Variants in CA8 observed in about 807,000 individuals in gnomAD.
CA8 encodes carbonic anhydrase-related protein.
In CA8, 22 loss-of-function variants were observed where a neutral mutation model predicts 41.4. The observed-to-expected ratio is 0.53, with a 90% CI of 0.38 to 0.76. CA8 has a LOEUF of 0.76. Ranked by LOEUF, CA8 falls within the 30% of genes least tolerant of loss-of-function variation. The probability of loss-of-function intolerance (pLI) is 0.00; values close to 1 mark genes in which losing one functional copy is unlikely to be tolerated. For synonymous variants in CA8, 121 were observed against 130.6 expected (o/e 0.93, Z 0.50); for missense variants, 270 against 352.8 (o/e 0.77, Z 1.88).
At chr8:60,255,558 T>C (rs751396918) in intron 3 of CA8, among the ~76,000 whole-genome samples, 1 of 152,214 alleles carries the variant, frequency 6.6e-6, no homozygotes, top group Non-Finnish European at 1.5e-5. Flanking sequence ...TTTAAGTGAT[T>C]CATTAAGCTG....
chr8:60,239,313 T>C (rs1585890881), intron 3 of CA8, among the ~76,000 whole-genome samples: 1 of 152,248 alleles, frequency 6.6e-6, no homozygotes, highest in Admixed American at 6.5e-5. Context: ...ATCAAACTAG[T>C]GCCCCATTAG....
At position 60,204,500 on chromosome 8, in the gene CA8, G is replaced by A. The variant is rs79377537; in HGVS notation, c.*35+4250C>T. On this transcript the variant is annotated intron_variant, in intron 8 of 8. Coordinates refer to ENST00000317995, the MANE Select transcript of CA8 (RefSeq NM_004056.6). ...AAGGAAGAGATATATTTTAAAGCACGAATTATTTTCTTTGTTTAGTAATCT... is the reference window on the plus strand; with the variant it reads ...AAGGAAGAGATATATTTTAAAGCACAAATTATTTTCTTTGTTTAGTAATCT... 7.5e-4 allele frequency among the ~76,000 whole-genome samples: 114 copies of A among 152,208 alleles called. 2 individuals are homozygous for A. The East Asian group carries it at 0.016, about 21-fold the overall frequency.
chr8:60,203,325 T>A (rs1806487146), intron 8 of CA8, among the ~76,000 whole-genome samples: 1 of 152,154 alleles, frequency 6.6e-6, no homozygotes, highest in Admixed American at 6.5e-5. Flanking sequence ...TAAAATTTTA[T>A]TGAAAGAAAA....
At position 60,243,225 on chromosome 8, in the gene CA8, C is replaced by T. The variant is rs1808102521; in HGVS notation, c.418-10846G>A. The stretch of plus-strand genomic sequence containing the variant: ...CACCTGCCTCCCAGAGAAAATAAAA[C>T]CATCAGAAGGAACTGTCTCTGCTTC... On this transcript the variant is annotated intron_variant, in intron 3 of 8. Transcript: ENST00000317995. Among the ~76,000 whole-genome samples the T allele has an allele frequency of 2.0e-5, 3 of 152,268 alleles. No individual in the cohort carries two copies. In the South Asian group the frequency reaches 6.2e-4, roughly 32 times the overall value.
At chr8:60,231,466 C>A (rs1292340713) in intron 4 of CA8, among the ~76,000 whole-genome samples, 1 of 152,044 alleles carries the variant, frequency 6.6e-6, no homozygotes, top group Admixed American at 6.6e-5. Flanking sequence ...TAAAAGGGCC[C>A]ATTATCGAAC....
rs1804261744 is a variant in CA8, at chr8:60,277,088, CAG to C, written c.292+2599_292+2600del. The stretch of plus-strand genomic sequence containing the variant: ...TGAGTCAAGACGCACCATTGCACTC[CAG>C]CCTAGGCGACAGAGCGAGACTCTGT... On this transcript the variant is annotated intron_variant, in intron 2 of 8. Coordinates refer to ENST00000317995, the MANE Select transcript of CA8 (RefSeq NM_004056.6). Among the ~76,000 whole-genome samples the C allele has an allele frequency of 3.4e-5, 5 of 147,046 alleles. No individual in the cohort carries two copies. The South Asian group carries it at 1.1e-3, about 32-fold the overall frequency.
chr8:60,265,150 A>G (rs1452314945), intron 3 of CA8: 1 of 152,174 alleles, frequency 6.6e-6, no homozygotes, highest in Non-Finnish European at 1.5e-5. Flanking sequence ...TGAACTGTCT[A>G]TCTCCACTGT....
At chr8:60,251,432 A>G (rs1808441819) in intron 3 of CA8, among the ~76,000 whole-genome samples, 1 of 152,266 alleles carries the variant, frequency 6.6e-6, no homozygotes, top group African/African-American at 2.4e-5. Context: ...GAGTTTAATT[A>G]CATAAAAACC....
chr8:60,204,732 T>C (rs1463938189), intron 8 of CA8, among the ~76,000 whole-genome samples: 1 of 152,200 alleles, frequency 6.6e-6, no homozygotes, highest in Non-Finnish European at 1.5e-5. Flanking sequence ...CTGTAGAGCC[T>C]TCAGTTCTAA....
chr8:60,228,970 T>C (rs1336095574), intron 4 of CA8, among the ~76,000 whole-genome samples: 1 of 152,092 alleles, frequency 6.6e-6, no homozygotes, highest in African/African-American at 2.4e-5. Flanking sequence ...CTGATGATAA[T>C]CTCCACACCC....
chr8:60,191,725 T>A (rs1241440139), intron 8 of CA8, among the ~76,000 whole-genome samples: 1 of 152,148 alleles, frequency 6.6e-6, no homozygotes, highest in Admixed American at 6.6e-5. Context: ...TTATGAAATT[T>A]CATTATAAAG....
intron 5 of CA8, among the ~76,000 whole-genome samples, chr8:60,226,475 G>C (rs1315593802): frequency 6.6e-6 from 1 of 152,218 alleles, no homozygotes; most frequent in Non-Finnish European, 1.5e-5. Flanking sequence ...CTGCTAGAGA[G>C]TGAGTAGCTG....
chr8:60,225,806 C>A (rs1317355473), intron 5 of CA8, among the ~76,000 whole-genome samples: 1 of 152,180 alleles, frequency 6.6e-6, no homozygotes, highest in Non-Finnish European at 1.5e-5. Context: ...TAAGTGTGAG[C>A]CAAGAAGGCA....
intron 8 of CA8, among the ~76,000 whole-genome samples, chr8:60,190,492 TTGAGA>T (rs1327495115): frequency 7.1e-6 from 1 of 140,154 alleles, no homozygotes; most frequent in Non-Finnish European, 1.5e-5. Context: ...TAGTACTTGT[TTGAGA>T]TAACAAATAA....
At position 60,241,339 on chromosome 8, in the gene CA8, A is replaced by C. The variant is rs552444049; in HGVS notation, c.418-8960T>G. 3.9e-5 allele frequency among the ~76,000 whole-genome samples: 6 copies of C among 152,384 alleles called. No homozygotes were observed. The East Asian group carries it at 9.6e-4, about 24-fold the overall frequency. On this transcript the variant is annotated intron_variant, in intron 3 of 8. Coordinates refer to ENST00000317995, the MANE Select transcript of CA8 (RefSeq NM_004056.6). Reference sequence around the variant, plus strand: ...CAAGTCTTGTATACAGATAGGTAGAAGAGAAATAGGGGAATGTGACAGAGG... The same window carrying C: ...CAAGTCTTGTATACAGATAGGTAGACGAGAAATAGGGGAATGTGACAGAGG...
At chr8:60,212,376 G>T (rs1420600816) in intron 7 of CA8, among the ~76,000 whole-genome samples, 1 of 152,202 alleles carries the variant, frequency 6.6e-6, no homozygotes, top group Non-Finnish European at 1.5e-5. Flanking sequence ...TGTTAAAAGA[G>T]AAATACAACA....
intron 3 of CA8, among the ~76,000 whole-genome samples, chr8:60,235,424 G>C (rs1363216787): frequency 1.3e-5 from 2 of 152,108 alleles, no homozygotes; most frequent in African/African-American, 4.8e-5. Context: ...AGTCTGATGT[G>C]CTAGGAATTG....
At chr8:60,244,572 T>C (rs956338785) in intron 3 of CA8, among the ~76,000 whole-genome samples, 1 of 152,208 alleles carries the variant, frequency 6.6e-6, no homozygotes, top group Non-Finnish European at 1.5e-5. Context: ...GGGTTTAAAA[T>C]TCAGCACTAT....
At chr8:60,225,204 GATC>G (rs910891177) in intron 5 of CA8, among the ~76,000 whole-genome samples, 1 of 152,076 alleles carries the variant, frequency 6.6e-6, no homozygotes, top group Non-Finnish European at 1.5e-5. Context: ...TCACATTTAA[GATC>G]ATCATTTTAA....
Sources: allele counts gnomAD v4.1 joint callset (sites outside exome capture counted in the v4.1 genomes callset), GRCh38; gene constraint gnomAD v4.1.1; transcripts MANE v1.5; gene names NCBI Gene and HGNC (gene_info 2026-07-23, HGNC 2026-07-21).